Variants in RAD51B observed in about 807,000 individuals in gnomAD.
RAD51B encodes RAD51 paralog B.
Under a neutral mutation model 42.2 loss-of-function variants are expected in RAD51B, and 38 were observed. That is an observed-to-expected ratio of 0.90 (90% CI 0.70 to 1.18). The LOEUF (loss-of-function observed/expected upper bound fraction) is 1.18, where lower values mean the gene tolerates loss of function less well. RAD51B is among the 50% of genes most tolerant of loss of function. The probability of loss-of-function intolerance (pLI) is 0.00; values close to 1 mark genes in which losing one functional copy is unlikely to be tolerated. For synonymous variants in RAD51B, 154 were observed against 145.2 expected, an observed-to-expected ratio of 1.06 and a Z score of -0.43; for missense variants, 373 against 400.7, an observed-to-expected ratio of 0.93 and a Z score of 0.59.
At chr14:68,493,784 A>C (rs928685102) in intron 10 of RAD51B, among the ~76,000 whole-genome samples, 3 of 152,176 alleles carry the variant, frequency 2.0e-5, no homozygotes, top group African/African-American at 7.2e-5. Flanking sequence ...GGAATTTTGG[A>C]GTTTGTATAA....
chr14:68,544,431 G>A (rs772633130), intron 10 of RAD51B, among the ~76,000 whole-genome samples: 11 of 152,172 alleles, frequency 7.2e-5, no homozygotes, highest in South Asian at 4.1e-4. Flanking sequence ...TTACAGCCCC[G>A]CATGGAGTGA....
chr14:68,119,322 TTTA>T (rs1306102296), intron 7 of RAD51B, among the ~76,000 whole-genome samples: 1 of 150,716 alleles, frequency 6.6e-6, no homozygotes, highest in Non-Finnish European at 1.5e-5. Flanking sequence ...TTTATTTTAT[TTTA>T]TTATTATTAT....
intron 8 of RAD51B, among the ~76,000 whole-genome samples, chr14:68,401,944 G>T (rs1213494914): frequency 5.9e-5 from 9 of 152,150 alleles, no homozygotes; most frequent in Admixed American, 2.0e-4. Flanking sequence ...CAGCTGATGG[G>T]TTTTTTCCAG....
chr14:67,835,048 T>A (rs745592601), intron 3 of RAD51B, 32 bp from the exon 4 acceptor site: 12 of 1,505,830 alleles, frequency 8.0e-6, no homozygotes, highest in Admixed American at 1.7e-5. Context: ...TATATAGAGG[T>A]TGAAAAAAAA....
chr14:68,537,768 A>T (rs1174535800), intron 10 of RAD51B, among the ~76,000 whole-genome samples: 1 of 152,144 alleles, frequency 6.6e-6, no homozygotes, highest in East Asian at 1.9e-4. Context: ...TGTCTATGGC[A>T]GTTTTTTTTT....
At chr14:68,203,006 T>G (rs1039019526) in intron 7 of RAD51B, among the ~76,000 whole-genome samples, 1 of 152,184 alleles carries the variant, frequency 6.6e-6, no homozygotes, top group African/African-American at 2.4e-5. Context: ...CATCCAGTCT[T>G]AAACCCCTCA....
chr14:68,635,791 C>A (rs776259537), intron 10 of RAD51B, among the ~76,000 whole-genome samples: 12 of 152,144 alleles, frequency 7.9e-5, no homozygotes, highest in Middle Eastern at 3.2e-3. Flanking sequence ...CACTAAGAAC[C>A]TAGGGCAAGG....
chr14:68,373,380 A>G (rs1344857382), intron 8 of RAD51B, among the ~76,000 whole-genome samples: 2 of 152,228 alleles, frequency 1.3e-5, no homozygotes, highest in African/African-American at 4.8e-5. Context: ...TTTAATGCCC[A>G]TCAATGATAG....
intron 8 of RAD51B, among the ~76,000 whole-genome samples, chr14:68,362,976 C>T (rs2083062519): frequency 6.6e-6 from 1 of 152,158 alleles, no homozygotes; most frequent in Non-Finnish European, 1.5e-5. Context: ...CAGTCCTGGG[C>T]ACCACTGGGA....
chr14:68,002,502 T>C (rs1029723789), intron 7 of RAD51B, among the ~76,000 whole-genome samples: 9 of 152,214 alleles, frequency 5.9e-5, no homozygotes, highest in East Asian at 1.9e-4. Context: ...AGCTTGATGA[T>C]AGTTTCTTTT....
intron 4 of RAD51B, among the ~76,000 whole-genome samples, chr14:67,862,790 A>C (rs2042205157): frequency 6.6e-6 from 1 of 152,166 alleles, no homozygotes; most frequent in African/African-American, 2.4e-5. Flanking sequence ...TCTACTTAAA[A>C]TGGTAAGCTT....
intron 8 of RAD51B, among the ~76,000 whole-genome samples, chr14:68,390,831 T>A (rs2083726706): frequency 6.6e-6 from 1 of 152,208 alleles, no homozygotes; most frequent in Non-Finnish European, 1.5e-5. Context: ...TCTGCACTAC[T>A]GAGATACATA....
chr14:68,506,712 A>G (rs1020549869), intron 10 of RAD51B, among the ~76,000 whole-genome samples: 1 of 151,872 alleles, frequency 6.6e-6, no homozygotes, highest in Non-Finnish European at 1.5e-5. Flanking sequence ...GGTGGGGGGG[A>G]CAAAGGAGAA....
chr14:68,161,733 T>G (rs928826907), intron 7 of RAD51B, among the ~76,000 whole-genome samples: 1 of 152,246 alleles, frequency 6.6e-6, no homozygotes, highest in African/African-American at 2.4e-5. Context: ...ATCTTAACTT[T>G]GACCCAAATC....
intron 9 of RAD51B, among the ~76,000 whole-genome samples, chr14:68,439,350 G>C (rs1293167400): frequency 6.6e-6 from 1 of 152,126 alleles, no homozygotes; most frequent in Non-Finnish European, 1.5e-5. Flanking sequence ...CCCTGGGGAT[G>C]GTGGTAGCTT....
At chr14:68,396,724 A>G (rs184966715) in intron 8 of RAD51B, among the ~76,000 whole-genome samples, 75 of 152,362 alleles carry the variant, frequency 4.9e-4, no homozygotes, top group African/African-American at 1.7e-3. Context: ...GGGAGAGAAC[A>G]TTATTAAAAT....
intron 7 of RAD51B, among the ~76,000 whole-genome samples, chr14:67,960,365 T>C (rs1023556676): frequency 6.6e-6 from 1 of 152,200 alleles, no homozygotes; most frequent in Non-Finnish European, 1.5e-5. Context: ...AGAATCGTTA[T>C]GATTGTTTCC....
chr14:67,819,926 AG>A (rs2040567465), intron 1 of RAD51B, 73 bp downstream of exon 1: 1 of 151,998 alleles, frequency 6.6e-6, no homozygotes, highest in Admixed American at 6.6e-5. Context: ...CTCCTTCCCT[AG>A]GCTCGTGGGT....
intron 11 of RAD51B, among the ~76,000 whole-genome samples, chr14:68,670,843 C>T (rs1893141258): frequency 6.6e-6 from 1 of 152,234 alleles, no homozygotes; most frequent in Non-Finnish European, 1.5e-5. Context: ...TTTCTTATCA[C>T]TGCCAGCTCT....
Sources: gnomAD v4.1 joint callset for allele counts (sites outside exome capture counted in the v4.1 genomes callset) on GRCh38, gnomAD v4.1.1 for gene constraint, MANE v1.5 for transcripts, NCBI Gene and HGNC (gene_info 2026-07-23, HGNC 2026-07-21) for gene names.